ADAM12: variants seen among roughly 807,000 people sequenced by gnomAD.
The protein encoded by ADAM12 is ADAM metallopeptidase domain 12.
A neutral mutation model predicts 106.4 loss-of-function variants in ADAM12; 70 were observed. The observed-to-expected ratio is 0.66, with a 90% CI of 0.54 to 0.80. The LOEUF (loss-of-function observed/expected upper bound fraction) is 0.80, where lower values mean the gene tolerates loss of function less well. ADAM12 is among the 30% of genes least tolerant of loss of function. The pLI is 0.00. For synonymous variants in ADAM12, 420 were observed against 433.5 expected (o/e 0.97, Z 0.39); for missense variants, 1,010 against 1,171.9 (o/e 0.86, Z 2.02).
chr10:126,377,770 G>A (rs1856347692), intron 1 of ADAM12, among the ~76,000 whole-genome samples: 1 of 152,170 alleles, frequency 6.6e-6, no homozygotes, highest in African/African-American at 2.4e-5. Context: ...GCATATCTGT[G>A]TGTGCTTGCT....
chr10:126,044,926 G>A (rs929804466), intron 17 of ADAM12, among the ~76,000 whole-genome samples: 1 of 152,192 alleles, frequency 6.6e-6, no homozygotes, highest in Non-Finnish European at 1.5e-5. Flanking sequence ...GTGGTCATGC[G>A]CCTTGTTTTA....
intron 2 of ADAM12, among the ~76,000 whole-genome samples, chr10:126,328,331 G>A (rs1854379826): frequency 6.6e-6 from 1 of 152,154 alleles, no homozygotes; most frequent in Non-Finnish European, 1.5e-5. Context: ...GGCACAGCAG[G>A]CACCGTTGTT....
intron 4 of ADAM12, among the ~76,000 whole-genome samples, chr10:126,141,957 G>C (rs1483344132): frequency 1.3e-5 from 2 of 152,118 alleles, no homozygotes; most frequent in East Asian, 3.9e-4. Flanking sequence ...TTTTCTTTTA[G>C]CCAGCCCCTT....
chr10:126,136,030 G>C (rs1956399064), intron 4 of ADAM12, among the ~76,000 whole-genome samples: 1 of 152,124 alleles, frequency 6.6e-6, no homozygotes, highest in Non-Finnish European at 1.5e-5. Context: ...GAACTGTAGG[G>C]GGTATTTAAG....
At chr10:126,101,290 A>C (rs2133580607) in intron 8 of ADAM12, 49 bp from the exon 9 acceptor site, 1 of 1,578,554 alleles carries the variant, frequency 6.3e-7, no homozygotes, top group Non-Finnish European at 8.7e-7. Flanking sequence ...CACGTTAATA[A>C]AAACTCGAAA....
At chr10:126,228,697 G>T (rs1480564128) in intron 3 of ADAM12, among the ~76,000 whole-genome samples, 1 of 152,082 alleles carries the variant, frequency 6.6e-6, no homozygotes, top group Non-Finnish European at 1.5e-5. Context: ...TTTAAGTTCT[G>T]ATTATCAGGA....
intron 11 of ADAM12, among the ~76,000 whole-genome samples, chr10:126,082,362 T>C (rs2133531106): frequency 8.1e-6 from 1 of 122,756 alleles, no homozygotes; most frequent in East Asian, 2.5e-4. Flanking sequence ...ATCTAATGAC[T>C]GTTTTTTTTT....
At chr10:126,312,671 A>G (rs1308283348) in intron 2 of ADAM12, among the ~76,000 whole-genome samples, 3 of 152,132 alleles carry the variant, frequency 2.0e-5, no homozygotes, top group Non-Finnish European at 4.4e-5. Flanking sequence ...TAAGCCAAAC[A>G]TGATATCAAG....
At position 126,049,719 on chromosome 10, in the gene ADAM12, T is replaced by TG. The variant is rs753445210; in HGVS notation, c.1610-51_1610-50insC. ...TTCATCTCCTGCAGGTGATTTTTTT[T>TG]TTTTCATGGCTGTAGGCCTCTCAAA... is the stretch of plus-strand genomic sequence containing the variant. On this transcript the variant is annotated intron_variant, in intron 14 of 22. Coordinates refer to ENST00000448723, the MANE Select transcript of ADAM12 (RefSeq NM_001288973.2). This position sits in a 1 kb window ranked among gnomAD's most constrained non-coding sequence, Gnocchi z 4.4. 1.5e-5 allele frequency: 23 copies of TG among 1,547,386 alleles called. No individual in the cohort carries two copies. Among genetic ancestry groups the TG allele is most frequent in the Non-Finnish European group, 2.0e-5 (23 of 1,126,338 alleles).
rs375108779 is a variant in ADAM12, at chr10:126,062,672, G to A, written c.1609+2134C>T. 5.9e-5 allele frequency among the ~76,000 whole-genome samples: 9 copies of A among 152,306 alleles called. No individual in the cohort carries two copies. In the East Asian group the frequency reaches 7.7e-4, roughly 13 times the overall value. On this transcript the variant is annotated intron_variant, in intron 14 of 22. Coordinates refer to ENST00000448723, the MANE Select transcript of ADAM12 (RefSeq NM_001288973.2). ...TGGGGGTGGCTCAGACAGCACTGTCGAGTTCCCTCTGACCTCACTCTGGAA... is the reference window on the plus strand; with the variant it reads ...TGGGGGTGGCTCAGACAGCACTGTCAAGTTCCCTCTGACCTCACTCTGGAA...
In ADAM12 at chr10:126,013,129, T is replaced by C. The variant is rs1222297708; in HGVS notation, c.*4150A>G. ...GGATATTTTAACAATTTTATAGTTA[T>C]TCTTAATTTTTCTCATATGAAACTG... is the stretch of plus-strand genomic sequence containing the variant. On this transcript the variant is annotated 3_prime_UTR_variant, in exon 23 of 23. Coordinates refer to ENST00000448723, the MANE Select transcript of ADAM12 (RefSeq NM_001288973.2). This position sits in a 1 kb window ranked among gnomAD's most constrained non-coding sequence, Gnocchi z 4.3. 2.0e-5 allele frequency: 3 copies of C among 152,238 alleles called. No individual in the cohort carries two copies. Among genetic ancestry groups the C allele is most frequent in the Non-Finnish European group, 2.9e-5 (2 of 68,048 alleles). The allele number at this position is 152,238 out of a possible 1,614,324, so 9.4% of individuals were successfully genotyped here. A position where few individuals can be genotyped will look rare whatever the true frequency, so the allele number is the denominator to read the frequency against.
At chr10:126,061,822 G>C (rs1954761397) in intron 14 of ADAM12, among the ~76,000 whole-genome samples, 1 of 152,184 alleles carries the variant, frequency 6.6e-6, no homozygotes, top group South Asian at 2.1e-4. Context: ...CTTGATTTCA[G>C]GATTTCTGAC....
chr10:126,387,399 C>T (rs1191494147), intron 1 of ADAM12, among the ~76,000 whole-genome samples: 2 of 107,530 alleles, frequency 1.9e-5, no homozygotes, highest in East Asian at 2.7e-4. Context: ...GGCGGAGAAA[C>T]TGAGTGGAGG....
chr10:126,331,140 A>C (rs556806080), intron 1 of ADAM12, among the ~76,000 whole-genome samples: 1 of 152,356 alleles, frequency 6.6e-6, no homozygotes, highest in African/African-American at 2.4e-5. Context: ...ATACCAACAC[A>C]GGTTCAATTT....
At chr10:126,306,735 C>T (rs1960862504) in intron 2 of ADAM12, among the ~76,000 whole-genome samples, 1 of 152,146 alleles carries the variant, frequency 6.6e-6, no homozygotes. Flanking sequence ...TGTCAACCAC[C>T]AGTCTTAACT....
intron 22 of ADAM12, 91 bp from the exon 23 acceptor site, chr10:126,017,430 T>C: frequency 1.6e-6 from 2 of 1,271,468 alleles, no homozygotes; most frequent in African/African-American, 1.5e-5. Context: ...TGTATTCTGA[T>C]AGTCTGAAGG....
At chr10:126,326,100 C>G (rs765768747) in intron 2 of ADAM12, among the ~76,000 whole-genome samples, 1 of 152,146 alleles carries the variant, frequency 6.6e-6, no homozygotes, top group Admixed American at 6.5e-5. Context: ...GTAATTTTAC[C>G]TAAATCAGCC....
chr10:126,242,385 A>T (rs1411088562), intron 3 of ADAM12, among the ~76,000 whole-genome samples: 3 of 152,260 alleles, frequency 2.0e-5, no homozygotes, highest in African/African-American at 7.2e-5. Flanking sequence ...ATGGTTCAGC[A>T]GTAAACACTA....
chr10:126,253,600 T>C (rs529376062), intron 3 of ADAM12, among the ~76,000 whole-genome samples: 2 of 152,200 alleles, frequency 1.3e-5, no homozygotes, highest in East Asian at 3.9e-4. Context: ...TGGCAGAGCT[T>C]GGGCTAAGAG....
Sources: gnomAD v4.1 joint callset for allele counts (sites outside exome capture counted in the v4.1 genomes callset) on GRCh38, gnomAD v4.1.1 for gene constraint, Gnocchi (gnomAD v3.1) non-coding constraint, MANE v1.5 for transcripts, NCBI Gene and HGNC (gene_info 2026-07-23, HGNC 2026-07-21) for gene names.